The following RELT variants were observed in gnomAD, a reference collection of about 807,000 sequenced individuals.
RELT encodes RELT TNF receptor, also known as tumor necrosis factor receptor superfamily member 19L.
RELT carries 37 observed loss-of-function variants against 51.1 expected under a neutral mutation model. The observed-to-expected ratio is 0.72, with a 90% confidence interval of 0.56 to 0.95. The LOEUF is 0.95. RELT is among the 40% of genes least tolerant of loss of function. The pLI, the probability that RELT is intolerant of heterozygous loss-of-function variation, is 0.00. For synonymous variants in RELT, 241 were observed against 235.7 expected (o/e 1.02, Z -0.21); for missense variants, 535 against 572.6 (o/e 0.93, Z 0.67).
Position 73,390,852 on chromosome 11 carries a change from T to C in RELT, c.218T>C (p.Leu73Pro), listed in dbSNP as rs143578193. 133 of 1,612,784 alleles carry C rather than the reference T, an allele frequency of 8.2e-5. No individual in the cohort carries two copies. The highest frequency in any genetic ancestry group is 1.0e-4 in the Non-Finnish European group (122 of 1,179,770). ...SPCQPHARCS[L>P]WRRLEAQVGM... ...TGCCAGCCCCATGCCCGTTGCAGCC[T>C]TTGGAGGAGGCTGGAGGCCCAGGTG... Residue 73 changes from leucine (L) to proline (P), a missense_variant, in exon 4 of 11, where the codon CTT (leucine) becomes CCT (proline). Transcript: ENST00000064780.
rs1197728257 is a variant in RELT, at chr11:73,388,774, G to A, written c.-25-338G>A. Reference sequence around the variant, plus strand: ...AACCCTGTCATCACGGACACAGGCCGCCACACGCGCTTCCTTCCCCTGCTG... The same window carrying A: ...AACCCTGTCATCACGGACACAGGCCACCACACGCGCTTCCTTCCCCTGCTG... On this transcript the variant is annotated intron_variant, in intron 1 of 10. Transcript: ENST00000064780. This position sits in a 1 kb window ranked among gnomAD's most constrained non-coding sequence, Gnocchi z 4.1. 2.0e-5 allele frequency among the ~76,000 whole-genome samples: 3 copies of A among 152,176 alleles called. No homozygotes were observed. The highest frequency in any genetic ancestry group is 2.9e-5 in the Non-Finnish European group (2 of 68,020).
In RELT at chr11:73,395,131, T is replaced by G. The variant is rs751518417; in HGVS notation, c.1091T>G (p.Val364Gly). Residue 364 changes from valine to glycine, a missense_variant, in exon 10 of 11, where the codon GTG becomes GGG. Physicochemically the swap from Val to Gly is moderately radical, Grantham distance 109. Coordinates refer to ENST00000064780, the MANE Select transcript of RELT (RefSeq NM_152222.2). ...CCTGAGCAGCGGACAAGTTCAATGG[T>G]GTCTGAGGTGAAGACCATCACGGAG... ...RIPEQRTSSM[V>G]SEVKTITEAG... 3 of 1,613,534 alleles carry G rather than the reference T, an allele frequency of 1.9e-6. No homozygotes were observed.
chr11:73,390,733 T>C (rs754273035), intron 3 of RELT, 22 bp from the exon 4 acceptor site: 2 of 1,607,156 alleles, frequency 1.2e-6, no homozygotes, highest in East Asian at 4.5e-5. Context: ...CTGGCCATGC[T>C]CTCACCCTTT....
intron 1 of RELT, among the ~76,000 whole-genome samples, chr11:73,386,875 C>G (rs560641147): frequency 6.6e-6 from 1 of 152,080 alleles, no homozygotes; most frequent in South Asian, 2.1e-4. Context: ...CTGGGCCTAC[C>G]TTGGGGACAT....
intron 5 of RELT, chr11:73,391,922 CAT>C (rs147486659): frequency 0.011 from 6,006 of 548,276 alleles, 295 homozygotes; most frequent in African/African-American, 0.1. Context: ...TGTGCCCAGA[CAT>C]GTGTCCTGTG....
rs368732204 is a variant in RELT, at chr11:73,394,460, G to T, written c.789-17G>T. Reference sequence around the variant, plus strand: ...CCTGGCCTGGCCTATGGCCACTTCTGCCTGTGCCCCCTGCAGGCTGCCGCC... The same window carrying T: ...CCTGGCCTGGCCTATGGCCACTTCTTCCTGTGCCCCCTGCAGGCTGCCGCC... On this transcript the variant is annotated splice_polypyrimidine_tract_variant and intron_variant, in intron 8 of 10. Transcript: ENST00000064780. This position sits in a 1 kb window ranked among gnomAD's most constrained non-coding sequence, Gnocchi z 4.9. 326 of 1,609,470 alleles carry T rather than the reference G, an allele frequency of 2.0e-4. 1 individual carries two copies. The highest frequency in any genetic ancestry group is 2.7e-4 in the Non-Finnish European group (316 of 1,177,428).
chr11:73,389,291 A>G, intron 2 of RELT, 110 bp downstream of exon 2: 5 of 698,686 alleles, frequency 7.2e-6, no homozygotes, highest in Non-Finnish European at 1.1e-5. Flanking sequence ...GGCAGGGCTC[A>G]GTTACTCAGC....
rs756704575 is a variant in RELT at position 73,390,781 on chromosome 11, G to A, written c.147G>A (p.Arg49=). 1 of 1,610,446 alleles carries A rather than the reference G, an allele frequency of 6.2e-7. No individual in the cohort carries two copies. The highest frequency in any genetic ancestry group is 8.5e-7 in the Non-Finnish European group (1 of 1,178,826). ...DLDPGQGTLC[R]PCPPGTFSAA... is the part of the protein sequence containing the mutation. ...ACCCAGGGCAGGGCACATTATGCAG[G>A]CCCTGCCCCCCAGGCACCTTCTCAG... The change falls in exon 4 of 11, where the codon AGG becomes AGA. Residue 49 remains arginine (R), a synonymous_variant. Coordinates refer to ENST00000064780, the MANE Select transcript of RELT (RefSeq NM_152222.2).
intron 1 of RELT, 81 bp downstream of exon 1, chr11:73,376,580 C>G (rs1407221132): frequency 6.6e-6 from 1 of 151,842 alleles, no homozygotes; most frequent in African/African-American, 2.4e-5. Context: ...AGTGGCGCCC[C>G]CTGCCTCCCC....
At position 73,388,647 on chromosome 11, in the gene RELT, C is replaced by T. The variant is rs11826366; in HGVS notation, c.-25-465C>T. Among the ~76,000 whole-genome samples, 6,846 of 152,292 alleles carry T rather than the reference C, an allele frequency of 0.045. 535 individuals carry two copies. The highest frequency in any genetic ancestry group is 0.16 in the African/African-American group (6,555 of 41,534). The stretch of plus-strand genomic sequence containing the variant: ...AACCAGCAGGAGTGAAGGCAGAGGC[C>T]GGGCATGCTTGCAGACCTGTGAGGA... On this transcript the variant is annotated intron_variant, in intron 1 of 10. Transcript: ENST00000064780. The surrounding 1 kb of genome is among the most constrained non-coding windows in gnomAD (Gnocchi z 4.1).
At position 73,388,926 on chromosome 11, in the gene RELT, G is replaced by C. The variant is rs935271606; in HGVS notation, c.-25-186G>C. Reference sequence around the variant, plus strand: ...GCTGCCCCGTGAGGCCGGCTCCCAGGCAGGGCAGCCCCCTCTGCTTGGGCC... The same window carrying C: ...GCTGCCCCGTGAGGCCGGCTCCCAGCCAGGGCAGCCCCCTCTGCTTGGGCC... On this transcript the variant is annotated intron_variant, in intron 1 of 10. Coordinates refer to ENST00000064780, the MANE Select transcript of RELT (RefSeq NM_152222.2). This position sits in a 1 kb window ranked among gnomAD's most constrained non-coding sequence, Gnocchi z 4.1. Among the ~76,000 whole-genome samples the C allele has an allele frequency of 6.6e-6, 1 of 152,178 alleles. No individual in the cohort carries two copies. The highest frequency in any genetic ancestry group is 1.5e-5 in the Non-Finnish European group (1 of 68,020).
intron 1 of RELT, among the ~76,000 whole-genome samples, chr11:73,377,541 G>A (rs1304620206): frequency 6.6e-6 from 1 of 151,970 alleles, no homozygotes; most frequent in Non-Finnish European, 1.5e-5. Context: ...TGGCAGCAGG[G>A]TAGGGGCCCT....
chr11:73,386,834 C>T (rs1271728938), intron 1 of RELT, among the ~76,000 whole-genome samples: 1 of 152,134 alleles, frequency 6.6e-6, no homozygotes, highest in Admixed American at 6.5e-5. Context: ...GCTGTGGTTG[C>T]TTGGCCTCTT....
At chr11:73,380,972 C>G (rs986175835) in intron 1 of RELT, among the ~76,000 whole-genome samples, 3 of 152,180 alleles carry the variant, frequency 2.0e-5, no homozygotes, top group Non-Finnish European at 4.4e-5. Flanking sequence ...TGCTGCATCC[C>G]TACTCTGCCC....
Position 73,392,347 on chromosome 11 carries a change from C to T in RELT, c.504C>T (p.Ile168=), listed in dbSNP as rs552980658. The T allele has an allele frequency of 7.4e-6, 12 of 1,613,810 alleles. No individual in the cohort carries two copies. Among genetic ancestry groups the T allele is most frequent in the South Asian group, 1.1e-5 (1 of 91,086 alleles). The change falls in exon 6 of 11, where the codon ATC becomes ATT. Residue 168 remains isoleucine (I), a synonymous_variant. Coordinates refer to ENST00000064780, the MANE Select transcript of RELT (RefSeq NM_152222.2). The part of the protein sequence containing the change: ...ETAAQYAVIA[I]VPVFCLMGLL... ...CCGCCCAGTACGCGGTCATCGCCAT[C>T]GTCCCTGTCTTCTGCCTCATGGGGC...
Position 73,393,874 on chromosome 11 carries a change from G to A in RELT, c.663G>A (p.Glu221=). The A allele has an allele frequency of 6.2e-7, 1 of 1,614,078 alleles. No individual in the cohort carries two copies. The change falls in exon 7 of 11, where the codon GAG becomes GAA. Residue 221 remains glutamate, a synonymous_variant. Transcript: ENST00000064780. ...CCTACCGGACTGAGGATGCCAATGA[G>A]GACACCATTGGGGTCCTGGTGCGCT... The part of the protein sequence containing the change: ...NPAYRTEDAN[E]DTIGVLVRLI...
chr11:73,390,825 CAT>C lies in RELT; in HGVS notation c.192_193del (p.Cys65ProfsTer57). ...TTCTCAGCTGCATGGGGCTCCAGCC[CAT>C]GCCAGCCCCATGCCCGTTGCAGCCT... On this transcript the variant is annotated frameshift_variant, in exon 4 of 11. Transcript: ENST00000064780. LOFTEE classifies it high-confidence loss of function. The C allele has an allele frequency of 1.2e-6, 2 of 1,612,484 alleles. No individual in the cohort carries two copies. The highest frequency in any genetic ancestry group is 2.2e-5 in the South Asian group (2 of 90,932).
intron 1 of RELT, among the ~76,000 whole-genome samples, chr11:73,379,593 A>G (rs554096333): frequency 6.6e-6 from 1 of 152,352 alleles, no homozygotes; most frequent in South Asian, 2.1e-4. Flanking sequence ...TTCACCTTCC[A>G]GACGCGGTAC....
Position 73,394,572 on chromosome 11 carries a change from G to T in RELT, c.884G>T (p.Cys295Phe). ...QGLASLSGPC[C>F]SRCSQKKWPE... is the part of the protein sequence containing the mutation. ...CTGGCCTCGCTCTCTGGCCCCTGCTGCTCCCGCTGTAGCCAGAAGAAGTGG... is the reference window on the plus strand; with the variant it reads ...CTGGCCTCGCTCTCTGGCCCCTGCTTCTCCCGCTGTAGCCAGAAGAAGTGG... The change falls in exon 9 of 11, where the codon TGC becomes TTC. Residue 295 changes from cysteine to phenylalanine, a missense_variant. Cys to Phe is a radical substitution (Grantham distance 205). Coordinates refer to ENST00000064780, the MANE Select transcript of RELT (RefSeq NM_152222.2). This position sits in a 1 kb window ranked among gnomAD's most constrained non-coding sequence, Gnocchi z 4.9. 1 of 1,612,588 alleles carries T rather than the reference G, an allele frequency of 6.2e-7. No homozygotes were observed.
Sources: allele counts gnomAD v4.1 joint callset (sites outside exome capture counted in the v4.1 genomes callset), GRCh38; gene constraint gnomAD v4.1.1; non-coding constraint Gnocchi (gnomAD v3.1); transcripts MANE v1.5; gene names NCBI Gene and HGNC (gene_info 2026-07-23, HGNC 2026-07-21).